Variants in SEMA5A observed in about 807,000 individuals in gnomAD.
The protein encoded by SEMA5A is semaphorin 5A.
In SEMA5A, 55 loss-of-function variants were observed where a neutral mutation model predicts 135.5. The ratio of observed to expected loss-of-function variants is 0.41; its 90% CI spans 0.33 to 0.51. SEMA5A has a LOEUF of 0.51. SEMA5A is among the 20% of genes least tolerant of loss of function. The pLI, the probability that SEMA5A is intolerant of heterozygous loss-of-function variation, is 0.37. For synonymous variants in SEMA5A, 580 were observed against 546.5 expected, an observed-to-expected ratio of 1.06 and a Z score of -0.85; for missense variants, 1,290 against 1,419.9, an observed-to-expected ratio of 0.91 and a Z score of 1.47.
chr5:9,488,161 G>C (rs1734822953), intron 1 of SEMA5A, among the ~76,000 whole-genome samples: 1 of 152,160 alleles, frequency 6.6e-6, no homozygotes, highest in Non-Finnish European at 1.5e-5. Context: ...AGGAGCTGTT[G>C]AACATTCTAC....
intron 1 of SEMA5A, among the ~76,000 whole-genome samples, chr5:9,456,258 CTG>C (rs1038245049): frequency 1.3e-5 from 2 of 152,234 alleles, no homozygotes; most frequent in African/African-American, 4.8e-5. Flanking sequence ...AAGGAGGAAA[CTG>C]TGTGTGGTAG....
chr5:9,191,172 T>G, intron 10 of SEMA5A, among the ~76,000 whole-genome samples: 1 of 149,040 alleles, frequency 6.7e-6, no homozygotes, highest in Non-Finnish European at 1.5e-5. Context: ...GAGAAGAGAG[T>G]AGAAAGGAAT....
chr5:9,300,034 CT>C, intron 5 of SEMA5A, among the ~76,000 whole-genome samples: 1 of 151,894 alleles, frequency 6.6e-6, no homozygotes, highest in Non-Finnish European at 1.5e-5. Flanking sequence ...TTTCTCCTCA[CT>C]TTTTTGGGGG....
intron 5 of SEMA5A, among the ~76,000 whole-genome samples, chr5:9,301,490 A>C (rs917401470): frequency 2.0e-5 from 3 of 152,198 alleles, no homozygotes; most frequent in African/African-American, 7.2e-5. Context: ...TCAGGGAGTC[A>C]AAGTATGCTG....
intron 5 of SEMA5A, among the ~76,000 whole-genome samples, chr5:9,279,603 C>T (rs771200174): frequency 6.6e-6 from 1 of 152,084 alleles, no homozygotes; most frequent in African/African-American, 2.4e-5. Flanking sequence ...GAATTATAAT[C>T]CCTGCATGTC....
At chr5:9,112,034 T>C (rs1306979311) in intron 15 of SEMA5A, among the ~76,000 whole-genome samples, 2 of 152,230 alleles carry the variant, frequency 1.3e-5, no homozygotes, top group Non-Finnish European at 2.9e-5. Context: ...ACTGCAGACT[T>C]TTAGCAAAGA....
At chr5:9,338,448 G>T (rs779923489) in intron 3 of SEMA5A, among the ~76,000 whole-genome samples, 52 of 152,038 alleles carry the variant, frequency 3.4e-4, no homozygotes, top group South Asian at 4.1e-4. Flanking sequence ...TACAAGCACG[G>T]TTAACTCCTA....
intron 19 of SEMA5A, 145 bp from the exon 20 acceptor site, chr5:9,052,173 G>T: frequency 1.1e-6 from 1 of 895,666 alleles, no homozygotes; most frequent in Non-Finnish European, 1.6e-6. Context: ...GTAAGATGTA[G>T]TTGTATCATC....
At chr5:9,044,652 A>G in intron 21 of SEMA5A, 68 bp from the exon 22 acceptor site, 1 of 1,322,906 alleles carries the variant, frequency 7.6e-7, no homozygotes, top group East Asian at 2.3e-5. Context: ...TCAAAGCACT[A>G]GGATGAAAAG....
At chr5:9,190,547 G>T in intron 10 of SEMA5A, 76 bp from the exon 11 acceptor site, 1 of 1,386,886 alleles carries the variant, frequency 7.2e-7, no homozygotes. Flanking sequence ...ACCCTAGCTG[G>T]AAAGTAACTT....
rs1180913300 is a variant in SEMA5A at position 9,499,885 on chromosome 5, G to T, written c.-175+45699C>A. Among the ~76,000 whole-genome samples the T allele has an allele frequency of 2.6e-5, 4 of 151,588 alleles. No homozygotes were observed. The East Asian group carries it at 7.7e-4, about 29-fold the overall frequency. On this transcript the variant is annotated intron_variant, in intron 1 of 22. Transcript: ENST00000382496. Reference sequence around the variant, plus strand: ...CCATCATAGAGTAATATAGCAAGAAGAAACCGAAATAAGAAGGCTTGGGGA... The same window carrying T: ...CCATCATAGAGTAATATAGCAAGAATAAACCGAAATAAGAAGGCTTGGGGA...
intron 1 of SEMA5A, among the ~76,000 whole-genome samples, chr5:9,485,663 T>C (rs1406107630): frequency 6.6e-6 from 1 of 152,136 alleles, no homozygotes; most frequent in African/African-American, 2.4e-5. Flanking sequence ...TGACTGTTGA[T>C]AATTGGGTGC....
intron 16 of SEMA5A, among the ~76,000 whole-genome samples, chr5:9,074,530 T>C (rs1325703962): frequency 6.6e-6 from 1 of 152,096 alleles, no homozygotes; most frequent in Non-Finnish European, 1.5e-5. Flanking sequence ...CTTTTAAGGA[T>C]CACTGTTAAG....
At chr5:9,517,904 G>A (rs909516580) in intron 1 of SEMA5A, 9 of 152,070 alleles carry the variant, frequency 5.9e-5, no homozygotes, top group East Asian at 1.9e-4. Flanking sequence ...TTCTGGTCAC[G>A]GTTTATGGTA....
chr5:9,500,398 CT>C lies in SEMA5A; in HGVS notation c.-175+45185del, dbSNP rs556391402. Reference sequence around the variant, plus strand: ...TCATAAGACACATGTTAAGAAATATCTGGCAAAACAGCAAACCTTCCAACGG... The same window carrying C: ...TCATAAGACACATGTTAAGAAATATCGGCAAAACAGCAAACCTTCCAACGG... On this transcript the variant is annotated intron_variant, in intron 1 of 22. Coordinates refer to ENST00000382496, the MANE Select transcript of SEMA5A (RefSeq NM_003966.3). 4.5e-3 allele frequency among the ~76,000 whole-genome samples: 686 copies of C among 152,304 alleles called. 1 individual carries two copies. The highest frequency in any genetic ancestry group is 0.012 in the Admixed American group (182 of 15,288).
intron 16 of SEMA5A, among the ~76,000 whole-genome samples, chr5:9,106,194 T>A (rs1739904957): frequency 6.6e-6 from 1 of 152,226 alleles, no homozygotes; most frequent in Non-Finnish European, 1.5e-5. Flanking sequence ...AACCTTTAAA[T>A]TTCCCAAAAA....
intron 8 of SEMA5A, among the ~76,000 whole-genome samples, chr5:9,213,082 C>G (rs1163011957): frequency 6.6e-6 from 1 of 152,164 alleles, no homozygotes; most frequent in African/African-American, 2.4e-5. Flanking sequence ...AATGAGGGAG[C>G]TCTCCGGGGT....
chr5:9,422,455 A>T (rs1166274590), intron 2 of SEMA5A: 2 of 152,242 alleles, frequency 1.3e-5, no homozygotes, highest in African/African-American at 4.8e-5. Context: ...AGAGCTGTTT[A>T]TATATAAAAT....
chr5:9,115,311 T>C (rs1740454643), intron 15 of SEMA5A, among the ~76,000 whole-genome samples: 1 of 152,132 alleles, frequency 6.6e-6, no homozygotes, highest in African/African-American at 2.4e-5. Context: ...TCAGGAAGCA[T>C]AACTAAGAGT....
Sources: allele counts gnomAD v4.1 joint callset (sites outside exome capture counted in the v4.1 genomes callset), GRCh38; gene constraint gnomAD v4.1.1; transcripts MANE v1.5; gene names NCBI Gene and HGNC (gene_info 2026-07-23, HGNC 2026-07-21).